The following ANKIB1 variants were observed in gnomAD, a reference collection of about 807,000 sequenced individuals.
ANKIB1 encodes ankyrin repeat and IBR domain-containing protein 1.
A neutral mutation model predicts 122.1 loss-of-function variants in ANKIB1; 43 were observed. That is an observed-to-expected ratio of 0.35 (90% confidence interval 0.28 to 0.45). ANKIB1 has a LOEUF of 0.45. Ranked by LOEUF, ANKIB1 falls within the 20% of genes least tolerant of loss-of-function variation. ANKIB1 has a pLI of 1.00. For missense variants in ANKIB1, 992 were observed against 1,329.5 expected, an observed-to-expected ratio of 0.75 and a Z score of 3.95; for synonymous variants, 390 against 442.0, an observed-to-expected ratio of 0.88 and a Z score of 1.48.
At chr7:92,374,530 A>T (rs1804341198) in intron 11 of ANKIB1, among the ~76,000 whole-genome samples, 1 of 152,168 alleles carries the variant, frequency 6.6e-6, no homozygotes, top group Non-Finnish European at 1.5e-5. Flanking sequence ...TCTTTTAGAA[A>T]TTTTAAATAG....
At chr7:92,297,195 C>G (rs190304403) in intron 2 of ANKIB1, among the ~76,000 whole-genome samples, 3 of 152,288 alleles carry the variant, frequency 2.0e-5, no homozygotes, top group African/African-American at 7.2e-5. Flanking sequence ...AGTAAGGTCT[C>G]ACAACTTGTA....
chr7:92,311,903 C>A (rs922483955), intron 3 of ANKIB1, among the ~76,000 whole-genome samples: 1 of 152,092 alleles, frequency 6.6e-6, no homozygotes, highest in Non-Finnish European at 1.5e-5. Context: ...TTGACTTCCT[C>A]GTATGGATAT....
intron 2 of ANKIB1, among the ~76,000 whole-genome samples, chr7:92,296,106 G>A (rs189515895): frequency 1.1e-3 from 170 of 152,120 alleles, no homozygotes; most frequent in Middle Eastern, 6.8e-3. Context: ...CAATTAAGCT[G>A]CTTTTTTTGC....
intron 11 of ANKIB1, among the ~76,000 whole-genome samples, chr7:92,376,257 G>C (rs1400938723): frequency 6.6e-6 from 1 of 152,172 alleles, no homozygotes; most frequent in Admixed American, 6.5e-5. Flanking sequence ...TTTGGAGCCA[G>C]ACATTGACTT....
chr7:92,332,011 T>G (rs1397244927), intron 5 of ANKIB1, among the ~76,000 whole-genome samples: 5 of 152,202 alleles, frequency 3.3e-5, no homozygotes. Flanking sequence ...ATCAACTCCG[T>G]TTTTACTCCA....
rs763539695 is a variant in ANKIB1, at chr7:92,246,488, A to G, written c.-122A>G. The G allele has an allele frequency of 1.9e-6, 1 of 518,488 alleles. No individual in the cohort carries two copies. The highest frequency in any genetic ancestry group is 1.9e-5 in the Admixed American group (1 of 51,604). 32.1% of individuals were successfully genotyped at this position (518,488 alleles called of 1,614,324 possible). ...GCGGAACTGCGGAGTTGCTGGGTCC[A>G]CCGACCCTTACCCTCAGCGAGAGAA... is the stretch of plus-strand genomic sequence containing the variant. On this transcript the variant is annotated 5_prime_UTR_variant, in exon 1 of 20. Coordinates refer to ENST00000265742, the MANE Select transcript of ANKIB1 (RefSeq NM_019004.2).
intron 1 of ANKIB1, among the ~76,000 whole-genome samples, chr7:92,248,110 G>A (rs887685163): frequency 6.6e-6 from 1 of 152,170 alleles, no homozygotes; most frequent in African/African-American, 2.4e-5. Flanking sequence ...TAAGAGTAGG[G>A]TGCTATAGTG....
intron 1 of ANKIB1, among the ~76,000 whole-genome samples, chr7:92,279,570 AG>A (rs1358827659): frequency 6.6e-6 from 1 of 152,198 alleles, no homozygotes; most frequent in African/African-American, 2.4e-5. Context: ...AATTTGCAGC[AG>A]TCCCAGAGTC....
At position 92,370,508 on chromosome 7, in the gene ANKIB1, C is replaced by CAAA. The variant is rs34318038; in HGVS notation, c.1487-939_1487-937dup. ...GGGTGACAGAGCAAGACTCTTGTCTCAAAAAAAAAAAAAAAAAAAAAAAAA... is the reference window on the plus strand; with the variant it reads ...GGGTGACAGAGCAAGACTCTTGTCTCAAAAAAAAAAAAAAAAAAAAAAAAAAAA... On this transcript the variant is annotated intron_variant, in intron 10 of 19. Transcript: ENST00000265742. Among the ~76,000 whole-genome samples, 213 of 32,972 alleles carry CAAA rather than the reference C, an allele frequency of 6.5e-3. 14 individuals are homozygous for CAAA. Among genetic ancestry groups the CAAA allele is most frequent in the Non-Finnish European group, 7.1e-3 (94 of 13,304 alleles). The allele number at this position is 32,972 out of a possible 152,430, so 21.6% of individuals were successfully genotyped here. A position where few individuals can be genotyped will look rare whatever the true frequency, so the allele number is the denominator to read the frequency against.
At position 92,319,507 on chromosome 7, in the gene ANKIB1, C is replaced by A. The variant is rs371866651; in HGVS notation, c.664C>A (p.Arg222=). 830 of 1,596,944 alleles carry A rather than the reference C, an allele frequency of 5.2e-4. No individual in the cohort carries two copies. Among genetic ancestry groups the A allele is most frequent in the Non-Finnish European group, 6.7e-4 (792 of 1,175,850 alleles). Residue 222 remains arginine (R), a synonymous_variant, in exon 4 of 20, where the codon CGA becomes AGA. Coordinates refer to ENST00000265742, the MANE Select transcript of ANKIB1 (RefSeq NM_019004.2). ...AGCTGAATATGCTGCATTAGACAAA[C>A]GAGAGGTCAGTTTATTTTTTCTTCT... is the stretch of plus-strand genomic sequence containing the variant. ...IEAEYAALDK[R]EPYEGLRPQD...
At chr7:92,323,529 C>A (rs767723587) in intron 4 of ANKIB1, among the ~76,000 whole-genome samples, 1 of 152,016 alleles carries the variant, frequency 6.6e-6, no homozygotes, top group South Asian at 2.1e-4. Context: ...TCACATGTCC[C>A]TGTATTTTTC....
chr7:92,280,644 T>A (rs892340693), intron 1 of ANKIB1, among the ~76,000 whole-genome samples: 5 of 152,128 alleles, frequency 3.3e-5, no homozygotes, highest in Non-Finnish European at 7.4e-5. Context: ...ACAAAAGACA[T>A]CACCTTGGAT....
intron 1 of ANKIB1, among the ~76,000 whole-genome samples, chr7:92,285,096 C>G (rs1802091841): frequency 1.3e-5 from 2 of 152,076 alleles, no homozygotes; most frequent in Admixed American, 1.3e-4. Flanking sequence ...GAGACAGAGC[C>G]TTGCTCTGTT....
chr7:92,314,923 T>C (rs1440631062), intron 3 of ANKIB1, among the ~76,000 whole-genome samples: 1 of 151,814 alleles, frequency 6.6e-6, no homozygotes, highest in Non-Finnish European at 1.5e-5. Context: ...GTACTGGAGA[T>C]GGAAAGAATG....
intron 9 of ANKIB1, among the ~76,000 whole-genome samples, chr7:92,356,517 A>G (rs1296933804): frequency 4.6e-5 from 7 of 152,208 alleles, no homozygotes; most frequent in Non-Finnish European, 8.8e-5. Context: ...AGAGTAGCAC[A>G]TCTGCATAAA....
At chr7:92,289,355 G>A (rs996296687) in intron 1 of ANKIB1, among the ~76,000 whole-genome samples, 3 of 152,142 alleles carry the variant, frequency 2.0e-5, no homozygotes, top group Admixed American at 6.5e-5. Flanking sequence ...CTCCATAAAT[G>A]TAGTGATTTT....
intron 1 of ANKIB1, among the ~76,000 whole-genome samples, chr7:92,253,745 A>C: frequency 6.6e-6 from 1 of 152,158 alleles, no homozygotes; most frequent in South Asian, 2.1e-4. Context: ...TGTGCATGTG[A>C]GTATGTGTGT....
At chr7:92,301,009 C>T (rs975674407) in intron 2 of ANKIB1, among the ~76,000 whole-genome samples, 1 of 152,088 alleles carries the variant, frequency 6.6e-6, no homozygotes, top group Non-Finnish European at 1.5e-5. Context: ...TCATCTATGT[C>T]GAAAATGGCA....
At chr7:92,322,327 T>C (rs1357506350) in intron 4 of ANKIB1, among the ~76,000 whole-genome samples, 5 of 152,122 alleles carry the variant, frequency 3.3e-5, no homozygotes, top group Non-Finnish European at 7.4e-5. Flanking sequence ...ATATAACTAA[T>C]ATTATGTTAA....
Sources: allele counts gnomAD v4.1 joint callset (sites outside exome capture counted in the v4.1 genomes callset), GRCh38; gene constraint gnomAD v4.1.1; transcripts MANE v1.5; gene names NCBI Gene and HGNC (gene_info 2026-07-23, HGNC 2026-07-21).